The following PIEZO2 variants were observed in gnomAD, a reference collection of about 807,000 sequenced individuals.
The protein encoded by PIEZO2 is piezo type mechanosensitive ion channel component 2.
PIEZO2 carries 172 observed loss-of-function variants against 337.3 expected under a neutral mutation model. The ratio of observed to expected loss-of-function variants is 0.51; its 90% CI spans 0.45 to 0.58. PIEZO2 has a LOEUF of 0.58. Ranked by LOEUF, PIEZO2 falls within the 20% of genes least tolerant of loss-of-function variation. The pLI, the probability that PIEZO2 is intolerant of heterozygous loss-of-function variation, is 0.00. For missense variants in PIEZO2, 3,028 were observed against 3,391.3 expected (o/e 0.89, Z 2.66); for synonymous variants, 1,251 against 1,228.5 (o/e 1.02, Z -0.38).
chr18:11,040,660 C>T (rs1460105637), intron 2 of PIEZO2, among the ~76,000 whole-genome samples: 1 of 152,114 alleles, frequency 6.6e-6, no homozygotes, highest in Non-Finnish European at 1.5e-5. Flanking sequence ...AGAGTAGAGA[C>T]GTCTCTTTCT....
chr18:10,758,958 A>G (rs928589303), intron 26 of PIEZO2, among the ~76,000 whole-genome samples: 38 of 152,080 alleles, frequency 2.5e-4, no homozygotes, highest in African/African-American at 9.2e-4. Flanking sequence ...AGTCATTTGC[A>G]TTTTCTGTAA....
intron 13 of PIEZO2, among the ~76,000 whole-genome samples, chr18:10,793,891 A>G (rs751470880): frequency 1.3e-5 from 2 of 152,084 alleles, no homozygotes; most frequent in African/African-American, 2.4e-5. Flanking sequence ...CTTCACCCAA[A>G]AATCTGTTAC....
Position 11,048,370 on chromosome 18 carries a change from G to T in PIEZO2, c.160+17757C>A, listed in dbSNP as rs527872143. On this transcript the variant is annotated intron_variant, in intron 2 of 55. Transcript: ENST00000674853. The surrounding 1 kb of genome is among the most constrained non-coding windows in gnomAD (Gnocchi z 4.5). ...CAAGCGGACTGCCTGGCCCATTTCA[G>T]ACACTCAGTAATGCTTATTCTGTGA... 1.3e-5 allele frequency among the ~76,000 whole-genome samples: 2 copies of T among 152,300 alleles called. No individual in the cohort carries two copies. The highest frequency in any genetic ancestry group is 3.9e-4 in the East Asian group (2 of 5,180).
At chr18:10,725,631 T>C (rs1371999374) in intron 36 of PIEZO2, among the ~76,000 whole-genome samples, 1 of 152,168 alleles carries the variant, frequency 6.6e-6, no homozygotes, top group Non-Finnish European at 1.5e-5. Context: ...CTCACAGAGG[T>C]AGGCCAGAAC....
At chr18:10,731,552 C>G (rs952253654) in intron 35 of PIEZO2, 31 bp from the exon 36 acceptor site, 1 of 1,404,858 alleles carries the variant, frequency 7.1e-7, no homozygotes, top group Non-Finnish European at 9.4e-7. Context: ...TATTTTCTGG[C>G]CTTTTAATAA....
Position 10,743,098 on chromosome 18 carries a change from T to C in PIEZO2, c.4515-483A>G, listed in dbSNP as rs1005493124. 8.5e-5 allele frequency among the ~76,000 whole-genome samples: 13 copies of C among 152,220 alleles called. 1 individual carries two copies. Among genetic ancestry groups the C allele is most frequent in the Admixed American group, 7.9e-4 (12 of 15,276 alleles). ...ATTCTAAACATGAGTCCAAATTTGTTATTCTTCTAGACCTGATTTGGATAA... is the reference window on the plus strand; with the variant it reads ...ATTCTAAACATGAGTCCAAATTTGTCATTCTTCTAGACCTGATTTGGATAA... On this transcript the variant is annotated intron_variant, in intron 31 of 55. Transcript: ENST00000674853.
intron 2 of PIEZO2, among the ~76,000 whole-genome samples, chr18:11,026,253 T>A (rs1274335786): frequency 6.6e-6 from 1 of 152,204 alleles, no homozygotes; most frequent in Admixed American, 6.5e-5. Flanking sequence ...ATTTCTATTT[T>A]TATTAATATA....
In PIEZO2 at chr18:11,113,332, T is replaced by A. The variant is rs533805797; in HGVS notation, c.64+35193A>T. 3.9e-5 allele frequency among the ~76,000 whole-genome samples: 6 copies of A among 152,336 alleles called. No individual in the cohort carries two copies. The South Asian group carries it at 6.2e-4, about 16-fold the overall frequency. On this transcript the variant is annotated intron_variant, in intron 1 of 55. Coordinates refer to ENST00000674853, the MANE Select transcript of PIEZO2 (RefSeq NM_001378183.1). Reference sequence around the variant, plus strand: ...TTATCTCATAAATTATTAGCCAAACTGTTTGTTTCCATTGACCAACCTGGA... The same window carrying A: ...TTATCTCATAAATTATTAGCCAAACAGTTTGTTTCCATTGACCAACCTGGA...
chr18:10,721,935 C>T (rs934660266), intron 36 of PIEZO2, among the ~76,000 whole-genome samples: 4 of 152,024 alleles, frequency 2.6e-5, no homozygotes, highest in Non-Finnish European at 4.4e-5. Context: ...GTGGGAGGAT[C>T]ACAAGATCAG....
rs1021733310 is a variant in PIEZO2 at position 11,083,751 on chromosome 18, G to A, written c.65-17529C>T. Among the ~76,000 whole-genome samples the A allele has an allele frequency of 3.3e-5, 5 of 152,202 alleles. 1 individual carries two copies. Among genetic ancestry groups the A allele is most frequent in the Admixed American group, 2.6e-4 (4 of 15,280 alleles). On this transcript the variant is annotated intron_variant, in intron 1 of 55. Transcript: ENST00000674853. This position sits in a 1 kb window ranked among gnomAD's most constrained non-coding sequence, Gnocchi z 4.4. ...TTGTCCTGAGATCGGTAGGCTCTCC[G>A]AGGCTAGAGGCACAACTAAGGTTCA...
chr18:10,829,085 T>TTG (rs1269111646), intron 7 of PIEZO2, among the ~76,000 whole-genome samples: 1 of 152,214 alleles, frequency 6.6e-6, no homozygotes, highest in Non-Finnish European at 1.5e-5. Context: ...ATTTGATTGA[T>TTG]ATTAATTTAA....
chr18:10,874,191 A>G (rs1360355556), intron 4 of PIEZO2, among the ~76,000 whole-genome samples: 1 of 152,192 alleles, frequency 6.6e-6, no homozygotes, highest in Non-Finnish European at 1.5e-5. Context: ...AGACATACAA[A>G]TGGACAACAG....
chr18:11,093,919 A>AT (rs2039179541), intron 1 of PIEZO2, among the ~76,000 whole-genome samples: 1 of 152,112 alleles, frequency 6.6e-6, no homozygotes, highest in South Asian at 2.1e-4. Context: ...GTAGAGCAGC[A>AT]TAAGTCTCGG....
rs569441290 is a variant in PIEZO2, at chr18:10,848,338, G to T, written c.917+7015C>A. On this transcript the variant is annotated intron_variant, in intron 7 of 55. Coordinates refer to ENST00000674853, the MANE Select transcript of PIEZO2 (RefSeq NM_001378183.1). ...ACATAAATGGTATTGCACTTGGAATGCTTGTTTTTTAACTTTAGAAGAAAC... is the reference window on the plus strand; with the variant it reads ...ACATAAATGGTATTGCACTTGGAATTCTTGTTTTTTAACTTTAGAAGAAAC... 3.3e-5 allele frequency among the ~76,000 whole-genome samples: 5 copies of T among 152,266 alleles called. No individual in the cohort carries two copies. In the South Asian group the frequency reaches 8.3e-4, roughly 25 times the overall value.
chr18:10,889,553 A>G (rs1188922679), intron 4 of PIEZO2, among the ~76,000 whole-genome samples: 1 of 152,224 alleles, frequency 6.6e-6, no homozygotes, highest in East Asian at 1.9e-4. Flanking sequence ...CAGTAACCTC[A>G]TAGGTGCTGG....
chr18:10,782,180 A>G (rs2039009312), intron 17 of PIEZO2, among the ~76,000 whole-genome samples: 1 of 138,322 alleles, frequency 7.2e-6, no homozygotes, highest in South Asian at 2.1e-4. Context: ...ATTAATATAT[A>G]TCAATGTACA....
At chr18:11,119,304 TA>T (rs1005666447) in intron 1 of PIEZO2, among the ~76,000 whole-genome samples, 1 of 152,130 alleles carries the variant, frequency 6.6e-6, no homozygotes, top group African/African-American at 2.4e-5. Context: ...CATGCCCAGC[TA>T]ATTTTTGTAT....
At chr18:11,093,424 A>G (rs1204385861) in intron 1 of PIEZO2, among the ~76,000 whole-genome samples, 2 of 152,210 alleles carry the variant, frequency 1.3e-5, no homozygotes, top group African/African-American at 4.8e-5. Context: ...ATTCAGCAAG[A>G]AAACAGGCTT....
chr18:10,670,852 C>CTT lies in PIEZO2; in HGVS notation c.*673_*674dup, dbSNP rs766396218. ...GGTGTACACATCATTTGTTTTGCTCCTTTTTTTTTTTTTTCCTGAGAAGTC... is the reference window on the plus strand; with the variant it reads ...GGTGTACACATCATTTGTTTTGCTCCTTTTTTTTTTTTTTTTCCTGAGAAGTC... On this transcript the variant is annotated 3_prime_UTR_variant, in exon 56 of 56. Transcript: ENST00000674853. The CTT allele has an allele frequency of 2.8e-4, 40 of 143,116 alleles. No homozygotes were observed. The highest frequency in any genetic ancestry group is 9.7e-4 in the African/African-American group (38 of 39,160). The allele number at this position is 143,116 out of a possible 1,614,324, so 8.9% of individuals were successfully genotyped here. A position where few individuals can be genotyped will look rare whatever the true frequency, so the allele number is the denominator to read the frequency against.
Sources: gnomAD v4.1 joint callset for allele counts (sites outside exome capture counted in the v4.1 genomes callset) on GRCh38, gnomAD v4.1.1 for gene constraint, Gnocchi (gnomAD v3.1) non-coding constraint, MANE v1.5 for transcripts, NCBI Gene and HGNC (gene_info 2026-07-23, HGNC 2026-07-21) for gene names.